Variants in SORL1 observed in about 807,000 individuals in gnomAD.
SORL1 encodes sortilin-related receptor.
Under a neutral mutation model 273.7 loss-of-function variants are expected in SORL1, and 127 were observed. That is an observed-to-expected ratio of 0.46 (90% CI 0.40 to 0.54). SORL1 has a LOEUF of 0.54. Ranked by LOEUF, SORL1 falls within the 20% of genes least tolerant of loss-of-function variation. SORL1 has a pLI of 0.00. For synonymous variants in SORL1, 1,031 were observed against 1,067.4 expected (o/e 0.97, Z 0.66); for missense variants, 2,494 against 2,846.1 (o/e 0.88, Z 2.81).
At chr11:121,483,145 G>A (rs1238713266) in intron 3 of SORL1, among the ~76,000 whole-genome samples, 1 of 152,176 alleles carries the variant, frequency 6.6e-6, no homozygotes, top group African/African-American at 2.4e-5. Flanking sequence ...TACATCCTGG[G>A]CACAATCATA....
At chr11:121,555,143 G>T in intron 17 of SORL1, 44 bp from the exon 18 acceptor site, 1 of 1,577,476 alleles carries the variant, frequency 6.3e-7, no homozygotes, top group Admixed American at 1.8e-5. Flanking sequence ...GCAGGGGGTC[G>T]TTTGAACAGT....
At chr11:121,502,692 A>G (rs112160517) in intron 6 of SORL1, among the ~76,000 whole-genome samples, 4,517 of 152,164 alleles carry the variant, frequency 0.03, 228 homozygotes, top group African/African-American at 0.1. Flanking sequence ...TCTTTCTTGG[A>G]TGGATGTCTA....
chr11:121,460,407 T>TC (rs1242897243), intron 1 of SORL1, among the ~76,000 whole-genome samples: 1 of 149,816 alleles, frequency 6.7e-6, no homozygotes, highest in African/African-American at 2.5e-5. Context: ...TTTTTTTTTT[T>TC]TTTTTTTGAG....
At chr11:121,623,581 G>A (rs1863753573) in intron 45 of SORL1, among the ~76,000 whole-genome samples, 1 of 152,188 alleles carries the variant, frequency 6.6e-6, no homozygotes, top group Admixed American at 6.5e-5. Flanking sequence ...TAACCTTTGT[G>A]TATTTTACAA....
intron 14 of SORL1, among the ~76,000 whole-genome samples, chr11:121,546,669 G>A (rs1195549091): frequency 1.3e-5 from 2 of 152,190 alleles, no homozygotes; most frequent in South Asian, 2.1e-4. Context: ...AGGCCATATG[G>A]TTTCTATGAT....
rs987281050 is a variant in SORL1, at chr11:121,496,876, G to A, written c.766G>A (p.Asp256Asn). The A allele has an allele frequency of 1.3e-6, 2 of 1,573,044 alleles. No homozygotes were observed. Among genetic ancestry groups the A allele is most frequent in the Non-Finnish European group, 1.7e-6 (2 of 1,159,880 alleles). ...EHVKSFSWGI[D>N]PYDKPNTIYI... ...TTTTTTTTTTTCTGCCAGGGGAATT[G>A]ATCCCTATGACAAACCAAATACCAT... is the stretch of plus-strand genomic sequence containing the variant. The change falls in exon 6 of 48, where the codon GAT becomes AAT. Residue 256 changes from aspartate (D) to asparagine (N), a missense_variant. Asp to Asn is a conservative substitution (Grantham distance 23, BLOSUM62 1). Transcript: ENST00000260197.
intron 8 of SORL1, among the ~76,000 whole-genome samples, chr11:121,517,759 C>T (rs1861977212): frequency 6.6e-6 from 1 of 152,210 alleles, no homozygotes. Context: ...CAACGTCCCA[C>T]TCAGTTTTCT....
At chr11:121,481,962 CT>C (rs1861396661) in intron 3 of SORL1, among the ~76,000 whole-genome samples, 1 of 151,896 alleles carries the variant, frequency 6.6e-6, no homozygotes, top group South Asian at 2.1e-4. Context: ...AGCTCCTCCC[CT>C]AGTGCACAGA....
intron 46 of SORL1, 124 bp downstream of exon 46, chr11:121,625,401 C>A (rs1339548191): frequency 6.5e-6 from 5 of 775,024 alleles, no homozygotes; most frequent in African/African-American, 5.3e-5. Context: ...AAAAGAAAAT[C>A]ATTTATATAT....
intron 38 of SORL1, chr11:121,610,854 C>T (rs1031025320): frequency 1.3e-5 from 6 of 445,302 alleles, no homozygotes; most frequent in Middle Eastern, 6.0e-4. Context: ...CCAGGATAGC[C>T]GACTGAGCCA....
Position 121,495,443 on chromosome 11 carries a change from T to TG in SORL1, c.759-1420dup, listed in dbSNP as rs374284634. ...TTCTTATTTTCCTTTTTGGGAGGGG[T>TG]GGGGGGAATATGCTCTTGACAGTAT... On this transcript the variant is annotated intron_variant, in intron 5 of 47. Coordinates refer to ENST00000260197, the MANE Select transcript of SORL1 (RefSeq NM_003105.6). 4.8e-3 allele frequency among the ~76,000 whole-genome samples: 723 copies of TG among 151,334 alleles called. 5 individuals are homozygous for TG. The highest frequency in any genetic ancestry group is 0.017 in the African/African-American group (693 of 41,150).
Position 121,621,169 on chromosome 11 carries a change from G to A in SORL1, c.5995G>A (p.Gly1999Ser), listed in dbSNP as rs1863718525. Residue 1999 changes from glycine (G) to serine (S), a missense_variant, in exon 44 of 48, where the codon GGC becomes AGC. Around this residue, in one of 3 missense-constraint regions of SORL1, gnomAD observed 1,609 missense variants for 1,816.4 expected, o/e 0.89. Transcript: ENST00000260197. ...VEYTLNKLEP[G>S]GKYHIIVQLG... ...ATACACCCTTAACAAGTTGGAGCCT[G>A]GCGGGAAATACCACATCATTGTCCA... is the stretch of plus-strand genomic sequence containing the variant. The A allele has an allele frequency of 6.2e-7, 1 of 1,614,032 alleles. No homozygotes were observed. The highest frequency in any genetic ancestry group is 1.7e-5 in the Admixed American group (1 of 60,004).
At chr11:121,471,117 A>G (rs748396926) in intron 2 of SORL1, among the ~76,000 whole-genome samples, 1 of 152,106 alleles carries the variant, frequency 6.6e-6, no homozygotes, top group Non-Finnish European at 1.5e-5. Flanking sequence ...ATTCTCCCAT[A>G]TCTTAATTTG....
At position 121,590,984 on chromosome 11, in the gene SORL1, C is replaced by T; in HGVS notation, c.4214-17C>T. ...GCTTCTAATGTTTTGGGTTTCCGTG[C>T]TTGGTGTTTTTCTCAGATTCACATA... On this transcript the variant is annotated splice_polypyrimidine_tract_variant and intron_variant, in intron 30 of 47. Coordinates refer to ENST00000260197, the MANE Select transcript of SORL1 (RefSeq NM_003105.6). 1 of 1,614,158 alleles carries T rather than the reference C, an allele frequency of 6.2e-7. No homozygotes were observed. The highest frequency in any genetic ancestry group is 8.5e-7 in the Non-Finnish European group (1 of 1,179,998).
chr11:121,589,153 T>A, intron 28 of SORL1, 106 bp from the exon 29 acceptor site: 1 of 1,297,056 alleles, frequency 7.7e-7, no homozygotes, highest in South Asian at 1.2e-5. Context: ...CAGACAGTCC[T>A]TTGCCAGAAC....
At position 121,485,953 on chromosome 11, in the gene SORL1, T is replaced by A. The variant is rs1861466003; in HGVS notation, c.529-2079T>A. On this transcript the variant is annotated intron_variant, in intron 3 of 47. Transcript: ENST00000260197. ...AGAGCGAATCCACAAAATATGTCCC[T>A]GGGAAGTTTATGGTCTGGATTTGGG... 2.0e-5 allele frequency among the ~76,000 whole-genome samples: 3 copies of A among 152,164 alleles called. No individual in the cohort carries two copies. The South Asian group carries it at 6.2e-4, about 32-fold the overall frequency.
At chr11:121,547,223 A>G (rs1862439747) in intron 14 of SORL1, among the ~76,000 whole-genome samples, 1 of 151,890 alleles carries the variant, frequency 6.6e-6, no homozygotes, top group African/African-American at 2.4e-5. Context: ...CTAATCCCTG[A>G]AAAGATCATA....
intron 25 of SORL1, among the ~76,000 whole-genome samples, chr11:121,580,702 T>C (rs1389036749): frequency 6.6e-6 from 1 of 150,978 alleles, no homozygotes; most frequent in African/African-American, 2.4e-5. Context: ...CCTCCTGGGC[T>C]CAATCCATCT....
At chr11:121,540,327 G>A (rs1425802494) in intron 12 of SORL1, among the ~76,000 whole-genome samples, 9 of 151,888 alleles carry the variant, frequency 5.9e-5, no homozygotes, top group Admixed American at 5.9e-4. Flanking sequence ...TATCTGAACA[G>A]TTTGATTTCT....
Sources: allele counts gnomAD v4.1 joint callset (sites outside exome capture counted in the v4.1 genomes callset), GRCh38; gene constraint gnomAD v4.1.1; regional missense constraint gnomAD v4.1.1; transcripts MANE v1.5; gene names NCBI Gene and HGNC (gene_info 2026-07-23, HGNC 2026-07-21).